IQCH: variants seen among roughly 807,000 people sequenced by gnomAD.
The protein encoded by IQCH is IQ motif containing H, also known as IQ domain-containing protein H.
In IQCH, 98 loss-of-function variants were observed where a neutral mutation model predicts 117.0. That is an observed-to-expected ratio of 0.84 (90% CI 0.71 to 0.99). The LOEUF (loss-of-function observed/expected upper bound fraction) is 0.99. Among genes scored for constraint, IQCH ranks in the 50% least tolerant of loss-of-function variants. The pLI is 0.00. For missense variants in IQCH, 1,102 were observed against 1,243.8 expected (o/e 0.89, Z 1.72); for synonymous variants, 412 against 448.2 (o/e 0.92, Z 1.02).
intron 16 of IQCH, among the ~76,000 whole-genome samples, chr15:67,462,836 A>G (rs1012034366): frequency 6.6e-6 from 1 of 152,242 alleles, no homozygotes; most frequent in Admixed American, 6.5e-5. Context: ...TCTCATATTA[A>G]GGGAAAGTAG....
At position 67,474,033 on chromosome 15, in the gene IQCH, G is replaced by C. The variant is rs2083138136; in HGVS notation, c.2677-1663G>C. On this transcript the variant is annotated intron_variant, in intron 17 of 20. Transcript: ENST00000335894. This position sits in a 1 kb window ranked among gnomAD's most constrained non-coding sequence, Gnocchi z 4.1. ...AACATGCTCCCCCCATCATGTGTGA[G>C]GGGAGCATGTCACCAAAAGTGCCAC... is the stretch of plus-strand genomic sequence containing the variant. Among the ~76,000 whole-genome samples the C allele has an allele frequency of 6.6e-6, 1 of 151,322 alleles. No homozygotes were observed. The highest frequency in any genetic ancestry group is 2.4e-5 in the African/African-American group (1 of 41,062).
intron 14 of IQCH, among the ~76,000 whole-genome samples, chr15:67,414,040 G>T (rs899321403): frequency 4.6e-5 from 7 of 152,196 alleles, no homozygotes; most frequent in Non-Finnish European, 8.8e-5. Context: ...CTTCATAAAT[G>T]TGACCTCGTT....
At chr15:67,261,134 G>T in intron 1 of IQCH, 138 bp from the exon 2 acceptor site, 1 of 512,052 alleles carries the variant, frequency 2.0e-6, no homozygotes. Context: ...CGTAAAAGTG[G>T]TCCTTTTCAA....
chr15:67,489,837 C>T (rs2083600356), intron 18 of IQCH, among the ~76,000 whole-genome samples, 166 bp from the exon 19 acceptor site: 1 of 151,750 alleles, frequency 6.6e-6, no homozygotes, highest in South Asian at 2.1e-4. Context: ...CATATTTACT[C>T]CAAATTCTAG....
chr15:67,483,242 C>G (rs2083385643), intron 18 of IQCH, among the ~76,000 whole-genome samples: 1 of 152,186 alleles, frequency 6.6e-6, no homozygotes, highest in Admixed American at 6.5e-5. Flanking sequence ...ACAGAAGGGC[C>G]AGGCACAGTG....
rs951801660 is a variant in IQCH at position 67,422,309 on chromosome 15, T to C, written c.2505+732T>C. On this transcript the variant is annotated intron_variant, in intron 16 of 20. Coordinates refer to ENST00000335894, the MANE Select transcript of IQCH (RefSeq NM_001031715.3). This position sits in a 1 kb window ranked among gnomAD's most constrained non-coding sequence, Gnocchi z 4.7. ...GTTCACATTTCTGTTCCTTTTCTTA[T>C]CAGACAACTTAGATTGTCTCATTTT... is the stretch of plus-strand genomic sequence containing the variant. Among the ~76,000 whole-genome samples the C allele has an allele frequency of 2.0e-5, 3 of 152,180 alleles. No individual in the cohort carries two copies. Among genetic ancestry groups the C allele is most frequent in the Admixed American group, 6.5e-5 (1 of 15,274 alleles).
In IQCH at chr15:67,472,962, T is replaced by C. The variant is rs1394471624; in HGVS notation, c.2677-2734T>C. Among the ~76,000 whole-genome samples the C allele has an allele frequency of 6.6e-6, 1 of 152,202 alleles. No homozygotes were observed. The highest frequency in any genetic ancestry group is 1.5e-5 in the Non-Finnish European group (1 of 68,036). On this transcript the variant is annotated intron_variant, in intron 17 of 20. Transcript: ENST00000335894. This position sits in a 1 kb window ranked among gnomAD's most constrained non-coding sequence, Gnocchi z 4.3. ...CCTTACATGTTGTCTAGTAATCATG[T>C]ACTACTGGACAGTAAGCTCTTCTGC...
At chr15:67,485,478 A>G (rs1596479819) in intron 18 of IQCH, among the ~76,000 whole-genome samples, 1 of 152,264 alleles carries the variant, frequency 6.6e-6, no homozygotes, top group East Asian at 1.9e-4. Context: ...CAAGGAGAAG[A>G]GGGAGTGATT....
intron 5 of IQCH, among the ~76,000 whole-genome samples, chr15:67,343,320 G>A (rs1359827008): frequency 1.3e-5 from 2 of 152,172 alleles, no homozygotes; most frequent in Non-Finnish European, 2.9e-5. Flanking sequence ...TAGTCCCCAA[G>A]TTTTAGGTTT....
intron 4 of IQCH, among the ~76,000 whole-genome samples, chr15:67,312,213 G>C (rs1967630398): frequency 6.6e-6 from 1 of 152,090 alleles, no homozygotes; most frequent in South Asian, 2.1e-4. Context: ...GGGTAGAACT[G>C]TATTTCAATA....
chr15:67,499,013 G>A (rs1196411821), intron 20 of IQCH, among the ~76,000 whole-genome samples: 1 of 152,156 alleles, frequency 6.6e-6, no homozygotes, highest in Non-Finnish European at 1.5e-5. Context: ...GAGGAGATAT[G>A]CAGGCCAACT....
In IQCH at chr15:67,433,190, A is replaced by T. The variant is rs1339070689; in HGVS notation, c.2505+11613A>T. Among the ~76,000 whole-genome samples, 1 of 152,228 alleles carries T rather than the reference A, an allele frequency of 6.6e-6. No individual in the cohort carries two copies. Among genetic ancestry groups the T allele is most frequent in the Non-Finnish European group, 1.5e-5 (1 of 68,046 alleles). ...TTAAAGTAAAAGACCTTCTCCCTTT[A>T]AAAGGGCTGTATCTTTGTGTCAATG... On this transcript the variant is annotated intron_variant, in intron 16 of 20. Coordinates refer to ENST00000335894, the MANE Select transcript of IQCH (RefSeq NM_001031715.3). This position sits in a 1 kb window ranked among gnomAD's most constrained non-coding sequence, Gnocchi z 5.4.
Position 67,421,330 on chromosome 15 carries a change from C to A in IQCH, c.2258C>A (p.Thr753Asn). The A allele has an allele frequency of 6.2e-7, 1 of 1,614,198 alleles. No homozygotes were observed. Among genetic ancestry groups the A allele is most frequent in the East Asian group, 2.2e-5 (1 of 44,870 alleles). The change falls in exon 16 of 21, where the codon ACC becomes AAC. Residue 753 changes from threonine (T) to asparagine (N), a missense_variant. Thr to Asn is a moderately conservative substitution (Grantham distance 65). Around this residue, in one of 2 missense-constraint regions of IQCH, gnomAD observed 650 missense variants for 794.3 expected, o/e 0.82. Coordinates refer to ENST00000335894, the MANE Select transcript of IQCH (RefSeq NM_001031715.3). Reference sequence around the variant, plus strand: ...GCATTCCCACCTGCAGACAATGTCACCAACCTCACAGTGGACATGCTGATA... The same window carrying A: ...GCATTCCCACCTGCAGACAATGTCAACAACCTCACAGTGGACATGCTGATA... Reference protein sequence around the residue: ...IEAFPPADNVTNLTVDMLIEP... With the variant: ...IEAFPPADNVNNLTVDMLIEP...
chr15:67,285,276 A>G (rs756265691), intron 4 of IQCH, among the ~76,000 whole-genome samples: 2 of 149,152 alleles, frequency 1.3e-5, no homozygotes, highest in African/African-American at 2.5e-5. Flanking sequence ...GTATCCATTC[A>G]TGTCCTTTGC....
In IQCH at chr15:67,457,328, C is replaced by T. The variant is rs1567204967; in HGVS notation, c.2506-7799C>T. ...TGTTGTTTACCACAATGGAGAGCTC[C>T]ATGCTGTCTGGAGATTCAGTGATCC... On this transcript the variant is annotated intron_variant, in intron 16 of 20. Transcript: ENST00000335894. The surrounding 1 kb of genome is among the most constrained non-coding windows in gnomAD (Gnocchi z 5.7). 6.6e-6 allele frequency among the ~76,000 whole-genome samples: 1 copy of T among 152,170 alleles called. No individual in the cohort carries two copies. The highest frequency in any genetic ancestry group is 1.5e-5 in the Non-Finnish European group (1 of 68,040).
rs1349188264 is a variant in IQCH, at chr15:67,490,849, C to T, written c.2861+785C>T. Among the ~76,000 whole-genome samples, 1 of 152,250 alleles carries T rather than the reference C, an allele frequency of 6.6e-6. No homozygotes were observed. Among genetic ancestry groups the T allele is most frequent in the Non-Finnish European group, 1.5e-5 (1 of 68,046 alleles). Reference sequence around the variant, plus strand: ...CACTGAGCACAGGCTGCTGGCAACACTCGGAGGCTTCCGCACTTCTCCCAG... The same window carrying T: ...CACTGAGCACAGGCTGCTGGCAACATTCGGAGGCTTCCGCACTTCTCCCAG... On this transcript the variant is annotated intron_variant, in intron 19 of 20. Transcript: ENST00000335894. This position sits in a 1 kb window ranked among gnomAD's most constrained non-coding sequence, Gnocchi z 4.9.
intron 16 of IQCH, among the ~76,000 whole-genome samples, chr15:67,441,163 G>T (rs1383681622): frequency 2.6e-5 from 3 of 116,448 alleles, no homozygotes; most frequent in Non-Finnish European, 5.2e-5. Flanking sequence ...AGAGTACTTA[G>T]GAATATACCT....
chr15:67,455,034 G>A (rs188728754), intron 16 of IQCH, among the ~76,000 whole-genome samples: 36 of 152,172 alleles, frequency 2.4e-4, no homozygotes, highest in African/African-American at 5.8e-4. Context: ...AGTATATAAG[G>A]GTCCCAATTT....
rs1310887493 is a variant in IQCH at position 67,490,000 on chromosome 15, C to CAGGAA, written c.2801_2805dup. On this transcript the variant is annotated splice_polypyrimidine_tract_variant and splice_region_variant and intron_variant, in intron 18 of 20. Transcript: ENST00000335894. ...TTCTTTTCTCCCCATTCAAATTTTA[C>CAGGAA]AGGAAAGGCAAGGAACTGTTTTTAT... is the stretch of plus-strand genomic sequence containing the variant. 2.5e-6 allele frequency: 4 copies of CAGGAA among 1,599,232 alleles called. No homozygotes were observed. The highest frequency in any genetic ancestry group is 3.3e-4 in the Middle Eastern group (2 of 6,052).
Sources: gnomAD v4.1 joint callset for allele counts (sites outside exome capture counted in the v4.1 genomes callset) on GRCh38, gnomAD v4.1.1 for gene constraint, gnomAD v4.1.1 regional missense constraint, Gnocchi (gnomAD v3.1) non-coding constraint, MANE v1.5 for transcripts, NCBI Gene and HGNC (gene_info 2026-07-23, HGNC 2026-07-21) for gene names.